The following CCNJL variants were observed in gnomAD, a reference collection of about 807,000 sequenced individuals.
The protein encoded by CCNJL is cyclin J like.
CCNJL carries 33 observed loss-of-function variants against 33.4 expected under a neutral mutation model. The observed-to-expected ratio is 0.99, with a 90% CI of 0.75 to 1.32. The LOEUF is 1.32. Among genes scored for constraint, CCNJL ranks in the 40% most tolerant of loss-of-function variants. CCNJL has a pLI of 0.00. For missense variants in CCNJL, 512 were observed against 499.7 expected (o/e 1.02, Z -0.23); for synonymous variants, 227 against 220.9 (o/e 1.03, Z -0.24).
intron 2 of CCNJL, among the ~76,000 whole-genome samples, chr5:160,310,933 G>A (rs1657000661): frequency 6.6e-6 from 1 of 152,170 alleles, no homozygotes; most frequent in South Asian, 2.1e-4. Context: ...GGGATCTTCA[G>A]CTTCCAGAGC....
intron 3 of CCNJL, among the ~76,000 whole-genome samples, chr5:160,273,199 G>C (rs931175817): frequency 1.3e-5 from 2 of 152,204 alleles, no homozygotes; most frequent in African/African-American, 4.8e-5. Context: ...AAGGTACAAG[G>C]TTAGGTTCCT....
In CCNJL at chr5:160,255,571, T is replaced by G. The variant is rs1368059394; in HGVS notation, c.721A>C (p.Thr241Pro). 1 of 1,614,140 alleles carries G rather than the reference T, an allele frequency of 6.2e-7. No homozygotes were observed. Among genetic ancestry groups the G allele is most frequent in the East Asian group, 2.2e-5 (1 of 44,878 alleles). ...TACACCAGCAGGATTTCAATACACGTGCTGAGGTGCTCCAGGGAATAGCTT... is the reference window on the plus strand; with the variant it reads ...TACACCAGCAGGATTTCAATACACGGGCTGAGGTGCTCCAGGGAATAGCTT... Reference protein sequence around the residue: ...ISSYSLEHLSTCIEILLVVYD... With the variant: ...ISSYSLEHLSPCIEILLVVYD... The change falls in exon 5 of 6, where the codon ACG becomes CCG. Residue 241 changes from threonine to proline, a missense_variant. Coordinates refer to ENST00000257536, the MANE Select transcript of CCNJL (RefSeq NM_001308173.3).
rs1200284096 is a variant in CCNJL, at chr5:160,253,148, T to G, written c.*230A>C. On this transcript the variant is annotated 3_prime_UTR_variant, in exon 6 of 6. Coordinates refer to ENST00000257536, the MANE Select transcript of CCNJL (RefSeq NM_001308173.3). ...GGGGACGGCCACCAAGCCATCCTTT[T>G]GTACCCTAGCCACACGTGGCAGACG... 2.3e-6 allele frequency: 1 copy of G among 440,078 alleles called. No homozygotes were observed. The allele number at this position is 440,078 out of a possible 1,614,324, so 27.3% of individuals were successfully genotyped here. A position where few individuals can be genotyped will look rare whatever the true frequency, so the allele number is the denominator to read the frequency against.
At chr5:160,311,787 G>C (rs1212735988) in intron 2 of CCNJL, 71 bp downstream of exon 2, 4 of 1,447,806 alleles carry the variant, frequency 2.8e-6, no homozygotes, top group Non-Finnish European at 3.9e-6. Context: ...CAGGCGACCT[G>C]AGAACACGAA....
At chr5:160,331,986 A>C (rs887428966) in intron 1 of CCNJL, among the ~76,000 whole-genome samples, 2 of 152,116 alleles carry the variant, frequency 1.3e-5, no homozygotes, top group Admixed American at 1.3e-4. Flanking sequence ...ACTTTAACCA[A>C]GCCTCTGGTG....
In CCNJL at chr5:160,328,262, G is replaced by A. The variant is rs555433884; in HGVS notation, n.206+11183C>T. ...AAGTCATGGGAAGATTTTAAACACA[G>A]GAGGAACAGGGATTAATCTTCAGTT... On this transcript the variant is annotated intron_variant and non_coding_transcript_variant, in intron 1 of 7. Coordinates refer to the CCNJL transcript ENST00000377503. Among the ~76,000 whole-genome samples, 15 of 152,308 alleles carry A rather than the reference G, an allele frequency of 9.8e-5. No homozygotes were observed. The South Asian group carries it at 3.1e-3, about 32-fold the overall frequency.
intron 5 of CCNJL, chr5:160,254,360 CA>C (rs997521306): frequency 2.7e-5 from 18 of 657,128 alleles, no homozygotes; most frequent in South Asian, 1.0e-4. Flanking sequence ...TTTGCCATCT[CA>C]AAAAAAGCTT....
upstream of CCNJL, among the ~76,000 whole-genome samples, chr5:160,313,545 GA>G (rs920082091): frequency 5.9e-5 from 9 of 151,272 alleles, no homozygotes; most frequent in African/African-American, 1.9e-4. Context: ...ACACACCTGG[GA>G]AAAAAAAATT....
rs141210633 is a variant in CCNJL at position 160,318,347 on chromosome 5, G to A, written n.207-2842C>T. On this transcript the variant is annotated intron_variant and non_coding_transcript_variant, in intron 1 of 7. Coordinates refer to the CCNJL transcript ENST00000377503. ...TTCTTACAAGGACACCGGTCATATTGGACTAAGGGCCCACCCTACTCAATA... is the reference window on the plus strand; with the variant it reads ...TTCTTACAAGGACACCGGTCATATTAGACTAAGGGCCCACCCTACTCAATA... Among the ~76,000 whole-genome samples, 285 of 152,212 alleles carry A rather than the reference G, an allele frequency of 1.9e-3. 3 individuals are homozygous for A. The highest frequency in any genetic ancestry group is 6.5e-3 in the African/African-American group (268 of 41,536).
chr5:160,328,186 T>C (rs988505560), intron 1 of CCNJL, among the ~76,000 whole-genome samples: 1 of 152,232 alleles, frequency 6.6e-6, no homozygotes, highest in African/African-American at 2.4e-5. Flanking sequence ...GGGACTTTCC[T>C]GTAACCCAGG....
intron 2 of CCNJL, among the ~76,000 whole-genome samples, chr5:160,288,757 G>C (rs1015861069): frequency 2.0e-5 from 3 of 151,400 alleles, no homozygotes; most frequent in Non-Finnish European, 2.9e-5. Context: ...ATGAACCCGG[G>C]GGGGCGGAGC....
intron 2 of CCNJL, among the ~76,000 whole-genome samples, chr5:160,282,701 AG>A (rs1207218508): frequency 2.0e-5 from 3 of 151,970 alleles, no homozygotes; most frequent in Non-Finnish European, 2.9e-5. Context: ...ACACATGAAA[AG>A]GTGCCCAACA....
chr5:160,322,677 G>A (rs936529798), intron 1 of CCNJL, among the ~76,000 whole-genome samples: 3 of 152,098 alleles, frequency 2.0e-5, no homozygotes, highest in Non-Finnish European at 2.9e-5. Context: ...GGAGGCTGAG[G>A]CAGGTGGATC....
At chr5:160,326,978 G>T in intron 1 of CCNJL, 3 of 569,646 alleles carry the variant, frequency 5.3e-6, no homozygotes, top group South Asian at 4.5e-5. Context: ...AACTAGAAAT[G>T]AACAATGAAG....
intron 2 of CCNJL, among the ~76,000 whole-genome samples, chr5:160,292,658 A>ATG (rs1491358877): frequency 2.1e-5 from 3 of 144,136 alleles, no homozygotes; most frequent in East Asian, 4.0e-4. Flanking sequence ...TATATGTAAC[A>ATG]TGTGTGTGTA....
At chr5:160,280,447 A>T (rs1429992968) in intron 3 of CCNJL, 78 bp downstream of exon 3, 2 of 1,141,054 alleles carry the variant, frequency 1.8e-6, no homozygotes, top group Non-Finnish European at 2.6e-6. Flanking sequence ...CAAAATGTAA[A>T]GTGATTTGGA....
At chr5:160,338,422 C>T (rs4921129) in intron 1 of CCNJL, among the ~76,000 whole-genome samples, 70,895 of 149,298 alleles carry the variant, frequency 0.47, 17,115 homozygotes, top group Middle Eastern at 0.54. Flanking sequence ...CCAAAAAAAG[C>T]CAAACCTTCT....
intron 1 of CCNJL, among the ~76,000 whole-genome samples, chr5:160,321,872 A>G (rs1763469439): frequency 1.3e-5 from 2 of 152,128 alleles, no homozygotes; most frequent in Non-Finnish European, 2.9e-5. Flanking sequence ...AAATATATAT[A>G]TTATTAAGAT....
At position 160,253,180 on chromosome 5, in the gene CCNJL, A is replaced by G; in HGVS notation, c.*198T>C. On this transcript the variant is annotated 3_prime_UTR_variant, in exon 6 of 6. Coordinates refer to ENST00000257536, the MANE Select transcript of CCNJL (RefSeq NM_001308173.3). ...TAGCCACACGTGGCAGACGTTTCTC[A>G]GAGGAATGCTCTCGGGTGAGGTATG... 1 of 490,294 alleles carries G rather than the reference A, an allele frequency of 2.0e-6. No individual in the cohort carries two copies. The highest frequency in any genetic ancestry group is 3.5e-6 in the Non-Finnish European group (1 of 285,594). The allele number at this position is 490,294 out of a possible 1,614,324, so 30.4% of individuals were successfully genotyped here.
Sources: allele counts gnomAD v4.1 joint callset (sites outside exome capture counted in the v4.1 genomes callset), GRCh38; gene constraint gnomAD v4.1.1; transcripts MANE v1.5; gene names NCBI Gene and HGNC (gene_info 2026-07-23, HGNC 2026-07-21).